Variants in AFF3 observed in about 807,000 individuals in gnomAD.
The protein encoded by AFF3 is ALF transcription elongation factor 3.
In AFF3, 32 loss-of-function variants were observed where a neutral mutation model predicts 129.7. The ratio of observed to expected loss-of-function variants is 0.25; its 90% CI spans 0.19 to 0.33. The LOEUF (loss-of-function observed/expected upper bound fraction) is 0.33, where lower values mean the gene tolerates loss of function less well. Ranked by LOEUF, AFF3 falls within the 10% of genes least tolerant of loss-of-function variation. The probability of loss-of-function intolerance (pLI) is 1.00; values close to 1 mark genes in which losing one functional copy is unlikely to be tolerated. For synonymous variants in AFF3, 644 were observed against 635.4 expected (o/e 1.01, Z -0.20); for missense variants, 1,373 against 1,592.0 (o/e 0.86, Z 2.34).
chr2:99,840,688 C>A lies in AFF3; in HGVS notation c.874-3164G>T, dbSNP rs185084821. On this transcript the variant is annotated intron_variant, in intron 7 of 24. Transcript: ENST00000672756. ...TTCCCAATTCCTTACCACAGGACTG[C>A]TCTGGAAACATCACCATTCTGACAC... 5.3e-5 allele frequency among the ~76,000 whole-genome samples: 8 copies of A among 152,306 alleles called. No individual in the cohort carries two copies. The East Asian group carries it at 1.5e-3, about 29-fold the overall frequency.
At chr2:99,705,474 T>A (rs1172608192) in intron 11 of AFF3, among the ~76,000 whole-genome samples, 1 of 151,862 alleles carries the variant, frequency 6.6e-6, no homozygotes, top group Non-Finnish European at 1.5e-5. Flanking sequence ...GAAGCAGGCA[T>A]GAATCAAGCT....
chr2:100,065,222 C>T (rs529129571), intron 4 of AFF3, among the ~76,000 whole-genome samples: 1 of 152,202 alleles, frequency 6.6e-6, no homozygotes, highest in South Asian at 2.1e-4. Flanking sequence ...TATAAAAAGT[C>T]ATATAAAAAG....
intron 8 of AFF3, among the ~76,000 whole-genome samples, chr2:99,800,276 C>T (rs920471750): frequency 6.6e-6 from 1 of 152,154 alleles, no homozygotes; most frequent in Non-Finnish European, 1.5e-5. Flanking sequence ...TTGAACACAT[C>T]ACCACAGAAG....
chr2:99,793,628 T>G (rs905850958), intron 8 of AFF3, among the ~76,000 whole-genome samples: 2 of 152,230 alleles, frequency 1.3e-5, no homozygotes, highest in African/African-American at 2.4e-5. Context: ...TGATGTCCTC[T>G]CTTTCATTGC....
At chr2:100,095,898 GAGA>G (rs1690242967) in intron 4 of AFF3, among the ~76,000 whole-genome samples, 3 of 152,228 alleles carry the variant, frequency 2.0e-5, no homozygotes, top group South Asian at 4.1e-4. Context: ...ACGGCGCAGA[GAGA>G]AGAAGGTTGG....
chr2:99,764,978 T>A (rs1202770670), intron 8 of AFF3, among the ~76,000 whole-genome samples: 1 of 152,160 alleles, frequency 6.6e-6, no homozygotes, highest in African/African-American at 2.4e-5. Flanking sequence ...ATTCTGAATC[T>A]GGGGCTGACA....
At chr2:100,016,423 G>A (rs995996543) in intron 4 of AFF3, among the ~76,000 whole-genome samples, 9 of 116,498 alleles carry the variant, frequency 7.7e-5, no homozygotes, top group Non-Finnish European at 1.4e-4. Flanking sequence ...GGTGGTAGTG[G>A]TGGCAGTGGT....
chr2:100,021,157 G>A (rs550079317), intron 4 of AFF3, among the ~76,000 whole-genome samples: 7 of 152,160 alleles, frequency 4.6e-5, no homozygotes, highest in East Asian at 1.9e-4. Flanking sequence ...TATATAAGTC[G>A]TACGTAGAAC....
chr2:100,090,304 G>A (rs1278477066), intron 4 of AFF3, among the ~76,000 whole-genome samples: 1 of 151,764 alleles, frequency 6.6e-6, no homozygotes, highest in Non-Finnish European at 1.5e-5. Flanking sequence ...TATTAATGAA[G>A]TTACATTTAG....
At chr2:99,724,548 C>T (rs2104977835) in intron 11 of AFF3, among the ~76,000 whole-genome samples, 1 of 152,214 alleles carries the variant, frequency 6.6e-6, no homozygotes, top group East Asian at 1.9e-4. Context: ...GCTGGGATTA[C>T]AAGTGTGAGA....
intron 11 of AFF3, among the ~76,000 whole-genome samples, chr2:99,720,512 C>G (rs566107842): frequency 1.3e-3 from 194 of 152,278 alleles, no homozygotes; most frequent in Middle Eastern, 3.4e-3. Flanking sequence ...TGATGCCCTG[C>G]TTCCCATACA....
At chr2:99,836,628 T>G (rs1019967691) in intron 8 of AFF3, among the ~76,000 whole-genome samples, 7 of 152,080 alleles carry the variant, frequency 4.6e-5, no homozygotes, top group Admixed American at 1.3e-4. Context: ...CCCAAGTAAT[T>G]GTATTACTGT....
At position 99,705,890 on chromosome 2, in the gene AFF3, A is replaced by C. The variant is rs1007977643; in HGVS notation, c.1091+21187T>G. ...ACTGCGCCTCAAAAAAAAAAAAAAAAAAAAAAAAAACACGCCCTTTGGGTT... is the reference window on the plus strand; with the variant it reads ...ACTGCGCCTCAAAAAAAAAAAAAAACAAAAAAAAAACACGCCCTTTGGGTT... On this transcript the variant is annotated intron_variant, in intron 11 of 24. Coordinates refer to ENST00000672756, the MANE Select transcript of AFF3 (RefSeq NM_001386135.1). Among the ~76,000 whole-genome samples, 126 of 151,316 alleles carry C rather than the reference A, an allele frequency of 8.3e-4. 4 individuals carry two copies. The highest frequency in any genetic ancestry group is 2.6e-3 in the African/African-American group (108 of 41,208).
chr2:99,729,997 C>T (rs1415064973), intron 10 of AFF3, among the ~76,000 whole-genome samples: 2 of 152,072 alleles, frequency 1.3e-5, no homozygotes, highest in Admixed American at 6.6e-5. Flanking sequence ...ACTATATATG[C>T]AAATATATAT....
chr2:99,883,678 C>T (rs1204638654), intron 7 of AFF3, among the ~76,000 whole-genome samples: 2 of 152,144 alleles, frequency 1.3e-5, no homozygotes, highest in African/African-American at 2.4e-5. Context: ...TCCTCATTCT[C>T]GCCCTCAGGG....
At chr2:99,700,900 C>T (rs897228972) in intron 11 of AFF3, among the ~76,000 whole-genome samples, 8 of 152,228 alleles carry the variant, frequency 5.3e-5, no homozygotes, top group Non-Finnish European at 1.0e-4. Flanking sequence ...TGGTCACCTG[C>T]CTGACCTCCT....
At chr2:99,711,362 A>C (rs1677876004) in intron 11 of AFF3, among the ~76,000 whole-genome samples, 1 of 152,138 alleles carries the variant, frequency 6.6e-6, no homozygotes, top group South Asian at 2.1e-4. Context: ...TAATAATGTA[A>C]TAATACATCT....
chr2:100,045,112 G>T (rs1328108761), intron 4 of AFF3, among the ~76,000 whole-genome samples: 2 of 152,064 alleles, frequency 1.3e-5, no homozygotes, highest in Non-Finnish European at 2.9e-5. Flanking sequence ...GTCAGGAAGA[G>T]AAATGAAAGG....
chr2:100,038,103 A>C (rs1351208301), intron 4 of AFF3, among the ~76,000 whole-genome samples: 3 of 152,032 alleles, frequency 2.0e-5, no homozygotes, highest in Non-Finnish European at 4.4e-5. Flanking sequence ...CAAGCCATTA[A>C]GGGAAGAGGA....
Sources: allele counts gnomAD v4.1 joint callset (sites outside exome capture counted in the v4.1 genomes callset), GRCh38; gene constraint gnomAD v4.1.1; transcripts MANE v1.5; gene names NCBI Gene and HGNC (gene_info 2026-07-23, HGNC 2026-07-21).